PHF24: variants seen among roughly 807,000 people sequenced by gnomAD.
PHF24 encodes the protein PHD finger protein 24.
In PHF24, 25 loss-of-function variants were observed where a neutral mutation model predicts 42.6. That is an observed-to-expected ratio of 0.59 (90% confidence interval 0.43 to 0.82). The LOEUF (loss-of-function observed/expected upper bound fraction) is 0.82, where lower values mean the gene tolerates loss of function less well. PHF24 is among the 40% of genes least tolerant of loss of function. The probability of loss-of-function intolerance (pLI) is 0.00; values close to 1 mark genes in which losing one functional copy is unlikely to be tolerated. For missense variants in PHF24, 470 were observed against 538.1 expected (o/e 0.87, Z 1.25); for synonymous variants, 185 against 204.8 (o/e 0.90, Z 0.83).
the PHF24 span, among the ~76,000 whole-genome samples, chr9:34,875,958 TC>T: frequency 3.6e-5 from 1 of 28,032 alleles, no homozygotes; most frequent in Non-Finnish European, 8.7e-5. Flanking sequence ...ACACTCTCTC[TC>T]TCTCTCTCTC....
the PHF24 span, among the ~76,000 whole-genome samples, chr9:34,745,405 G>A: frequency 6.6e-6 from 1 of 152,046 alleles, no homozygotes; most frequent in African/African-American, 2.4e-5. Context: ...GTAGCTGTAG[G>A]TACTCTCGTA....
the PHF24 span, among the ~76,000 whole-genome samples, chr9:34,758,817 G>GTAGTGAGGACTGTGGGATTCTCCTC: frequency 6.6e-6 from 1 of 152,148 alleles, no homozygotes; most frequent in South Asian, 2.1e-4. The surrounding 1 kb of genome is among the most constrained non-coding windows in gnomAD (Gnocchi z 4.4). Context: ...GGATTCTCCT[G>GTAGTGAGGACTGTGGGATTCTCCTC]TAGTAAGGAC....
At chr9:34,668,827 CAG>C in the PHF24 span, among the ~76,000 whole-genome samples, 1 of 152,174 alleles carries the variant, frequency 6.6e-6, no homozygotes, top group Non-Finnish European at 1.5e-5. Flanking sequence ...GGACAATAGA[CAG>C]AACTCAAAGT....
the PHF24 span, among the ~76,000 whole-genome samples, chr9:34,936,104 T>C: frequency 6.7e-6 from 1 of 148,908 alleles, no homozygotes; most frequent in East Asian, 2.0e-4. Context: ...TTCCACGGTC[T>C]CCCTCTGATG....
the PHF24 span, among the ~76,000 whole-genome samples, chr9:34,937,146 G>A: frequency 6.6e-6 from 1 of 152,186 alleles, no homozygotes; most frequent in African/African-American, 2.4e-5. Context: ...CGTCTGGGAG[G>A]CGTACCCAAC....
chr9:34,942,917 T>C, the PHF24 span, among the ~76,000 whole-genome samples: 1 of 151,972 alleles, frequency 6.6e-6, no homozygotes. Flanking sequence ...AGTTAATGGG[T>C]GCAGCAAACC....
chr9:34,878,436 G>A, the PHF24 span, among the ~76,000 whole-genome samples: 14 of 152,298 alleles, frequency 9.2e-5, no homozygotes, highest in South Asian at 2.1e-4. Flanking sequence ...CCTGGGAAGC[G>A]CAAGGGGTGG....
chr9:34,786,981 G>C, the PHF24 span, among the ~76,000 whole-genome samples: 5 of 152,298 alleles, frequency 3.3e-5, no homozygotes, highest in East Asian at 9.6e-4. Flanking sequence ...ACTGAAGGAG[G>C]CACCCAGAAT....
At chr9:34,727,973 A>G in the PHF24 span, 1 of 1,524,936 alleles carries the variant, frequency 6.6e-7, no homozygotes, top group Non-Finnish European at 8.9e-7. Context: ...CCAAGAAATC[A>G]TCATAGGCCA....
chr9:34,934,785 T>C, the PHF24 span, among the ~76,000 whole-genome samples: 10 of 152,200 alleles, frequency 6.6e-5, no homozygotes, highest in African/African-American at 2.2e-4. Context: ...ATCATTTATT[T>C]AGCAATGTAA....
At chr9:34,855,693 G>T in the PHF24 span, among the ~76,000 whole-genome samples, 1 of 152,100 alleles carries the variant, frequency 6.6e-6, no homozygotes, top group Non-Finnish European at 1.5e-5. Context: ...CTTTCCTTCT[G>T]GCTGCTCTTA....
At chr9:34,800,010 G>T in the PHF24 span, among the ~76,000 whole-genome samples, 1 of 152,092 alleles carries the variant, frequency 6.6e-6, no homozygotes, top group Non-Finnish European at 1.5e-5. Context: ...GAGAGTGGAA[G>T]ATGAGAAATT....
the PHF24 span, among the ~76,000 whole-genome samples, chr9:34,884,752 C>G: frequency 5.3e-5 from 8 of 152,178 alleles, no homozygotes; most frequent in Non-Finnish European, 8.8e-5. Context: ...CAGGGACTCC[C>G]AGTCCCTGGA....
At chr9:34,743,553 C>T in the PHF24 span, among the ~76,000 whole-genome samples, 1 of 152,204 alleles carries the variant, frequency 6.6e-6, no homozygotes. Context: ...GTTTTAACTA[C>T]GTGGGATTTT....
At chr9:34,724,184 G>A in the PHF24 span, 7 of 1,551,246 alleles carry the variant, frequency 4.5e-6, no homozygotes, top group African/African-American at 1.4e-5. Context: ...CTCCAGGCTG[G>A]GTTTGTTCAC....
At chr9:34,689,418 C>G in the PHF24 span, 42 of 198,870 alleles carry the variant, frequency 2.1e-4, no homozygotes, top group African/African-American at 9.3e-4. The surrounding 1 kb of genome is among the most constrained non-coding windows in gnomAD (Gnocchi z 4.1). Flanking sequence ...TGCCATTCCA[C>G]CTCCCCCTTC....
chr9:34,860,728 A>G, the PHF24 span, among the ~76,000 whole-genome samples: 3 of 152,070 alleles, frequency 2.0e-5, no homozygotes, highest in African/African-American at 7.2e-5. Flanking sequence ...GTGTATGTAT[A>G]ATCATGTTAA....
At chr9:34,933,738 C>A in the PHF24 span, among the ~76,000 whole-genome samples, 23 of 147,308 alleles carry the variant, frequency 1.6e-4, no homozygotes, top group East Asian at 1.0e-3. Context: ...AAAAAAAAAA[C>A]AAAAACAAAA....
the PHF24 span, chr9:34,728,508 T>G: frequency 2.6e-6 from 3 of 1,154,310 alleles, no homozygotes; most frequent in South Asian, 4.3e-5. Flanking sequence ...GAGTCTTCAG[T>G]GGCAGAGCAC....
Sources: gnomAD v4.1 joint callset for allele counts (sites outside exome capture counted in the v4.1 genomes callset) on GRCh38, gnomAD v4.1.1 for gene constraint, Gnocchi (gnomAD v3.1) non-coding constraint, MANE v1.5 for transcripts, NCBI Gene and HGNC (gene_info 2026-07-23, HGNC 2026-07-21) for gene names.